BRD8: variants seen among roughly 807,000 people sequenced by gnomAD.
BRD8 encodes the protein bromodomain containing 8.
BRD8 carries 67 observed loss-of-function variants against 143.1 expected under a neutral mutation model. That is an observed-to-expected ratio of 0.47 (90% CI 0.38 to 0.57). The LOEUF (loss-of-function observed/expected upper bound fraction) is 0.57. Among genes scored for constraint, BRD8 ranks in the 20% least tolerant of loss-of-function variants. BRD8 has a pLI of 0.00. For synonymous variants in BRD8, 505 were observed against 517.1 expected (o/e 0.98, Z 0.32); for missense variants, 1,103 against 1,503.0 (o/e 0.73, Z 4.40).
At chr5:138,160,509 C>G (rs1464727501) in intron 18 of BRD8, among the ~76,000 whole-genome samples, 1 of 152,046 alleles carries the variant, frequency 6.6e-6, no homozygotes, top group Non-Finnish European at 1.5e-5. Flanking sequence ...CTTCCAAGTT[C>G]AACACCCCAA....
At chr5:138,176,852 G>C (rs1464436987) in intron 2 of BRD8, among the ~76,000 whole-genome samples, 1 of 151,192 alleles carries the variant, frequency 6.6e-6, no homozygotes, top group Non-Finnish European at 1.5e-5. Context: ...AATCCCAGTA[G>C]GTTGGGCGGA....
chr5:138,170,409 C>T lies in BRD8; in HGVS notation c.441G>A (p.Thr147=). 6.2e-7 allele frequency: 1 copy of T among 1,614,032 alleles called. No homozygotes were observed. The highest frequency in any genetic ancestry group is 8.5e-7 in the Non-Finnish European group (1 of 1,179,994). Reference sequence around the variant, plus strand: ...CCTCCTCTTCTTCCAATTTCTTTTTCCTAAACAGGGAATTAAGGGTTAGAT... The same window carrying T: ...CCTCCTCTTCTTCCAATTTCTTTTTTCTAAACAGGGAATTAAGGGTTAGAT... The part of the protein sequence containing the change: ...RLDELCNDIA[T]KKKLEEEEAE... Residue 147 remains threonine, a splice_region_variant and synonymous_variant, in exon 7 of 27, where the codon ACG becomes ACA. Coordinates refer to ENST00000254900, the MANE Select transcript of BRD8 (RefSeq NM_139199.2).
chr5:138,145,874 C>A lies in BRD8; in HGVS notation c.3283G>T (p.Asp1095Tyr). The stretch of plus-strand genomic sequence containing the variant: ...TGAACAGGGTCATCCTGGCTTAGAT[C>A]AGTCCTATGAGGATAAAACATGAAG... ...FSHATSSKLT[D>Y]LSQDDPVQDH... The change falls in exon 24 of 27, where the codon GAT becomes TAT. Residue 1095 changes from aspartate to tyrosine, a missense_variant. Coordinates refer to ENST00000254900, the MANE Select transcript of BRD8 (RefSeq NM_139199.2). 6.2e-7 allele frequency: 1 copy of A among 1,613,224 alleles called. No individual in the cohort carries two copies. Among genetic ancestry groups the A allele is most frequent in the South Asian group, 1.1e-5 (1 of 91,054 alleles).
chr5:138,145,033 G>A, intron 25 of BRD8, 144 bp downstream of exon 25: 1 of 783,232 alleles, frequency 1.3e-6, no homozygotes, highest in Non-Finnish European at 2.1e-6. Context: ...ATGATACTGA[G>A]CTCATCATAA....
At chr5:138,152,812 G>A (rs1752424147) in intron 20 of BRD8, 52 bp from the exon 21 acceptor site, 2 of 1,566,816 alleles carry the variant, frequency 1.3e-6, no homozygotes, top group Middle Eastern at 1.7e-4. Context: ...AAATATTCCT[G>A]AGGCATCTCC....
intron 12 of BRD8, 80 bp from the exon 13 acceptor site, chr5:138,164,493 G>A (rs1753241767): frequency 7.1e-7 from 1 of 1,400,122 alleles, no homozygotes; most frequent in African/African-American, 1.4e-5. Context: ...CAGTGATAAT[G>A]AGACCATAGA....
chr5:138,154,874 G>A (rs370706042), intron 20 of BRD8, among the ~76,000 whole-genome samples: 1 of 147,496 alleles, frequency 6.8e-6, no homozygotes, highest in Non-Finnish European at 1.5e-5. Flanking sequence ...TCTGTCGCCA[G>A]GTTGGAGTGC....
chr5:138,167,269 A>G (rs1032966341), intron 9 of BRD8, among the ~76,000 whole-genome samples: 1 of 151,856 alleles, frequency 6.6e-6, no homozygotes, highest in African/African-American at 2.4e-5. Context: ...CTCTGTCTCA[A>G]AAAAAACAAC....
At chr5:138,169,515 G>A (rs758545841) in intron 7 of BRD8, 157 bp from the exon 8 acceptor site, 3 of 776,750 alleles carry the variant, frequency 3.9e-6, no homozygotes, top group Non-Finnish European at 1.9e-6. Flanking sequence ...TTCTAGAGAT[G>A]GATAACTTTT....
chr5:138,146,941 G>C (rs1257740406), intron 23 of BRD8, among the ~76,000 whole-genome samples: 1 of 140,466 alleles, frequency 7.1e-6, no homozygotes, highest in African/African-American at 2.7e-5. Context: ...CTGCACTGCA[G>C]CCTGGGCGAC....
intron 15 of BRD8, among the ~76,000 whole-genome samples, chr5:138,162,896 G>A (rs970081493): frequency 6.6e-6 from 1 of 151,988 alleles, no homozygotes; most frequent in Admixed American, 6.5e-5. Flanking sequence ...AGCTACTAAG[G>A]AGGCTGAGGT....
chr5:138,164,053 C>G, intron 14 of BRD8, 34 bp downstream of exon 14: 4 of 1,601,224 alleles, frequency 2.5e-6, no homozygotes, highest in Non-Finnish European at 2.6e-6. Flanking sequence ...AATCTAATCA[C>G]ATGGCAAGAG....
intron 14 of BRD8, 90 bp from the exon 15 acceptor site, chr5:138,163,434 A>C (rs1313875638): frequency 6.7e-7 from 1 of 1,487,298 alleles, no homozygotes; most frequent in African/African-American, 1.4e-5. Context: ...GGTTAGAATT[A>C]GTTCTAGAAA....
In BRD8 at chr5:138,160,895, A is replaced by G; in HGVS notation, c.2423T>C (p.Ile808Thr). The G allele has an allele frequency of 6.3e-7, 1 of 1,595,418 alleles. No individual in the cohort carries two copies. Among genetic ancestry groups the G allele is most frequent in the Non-Finnish European group, 8.5e-7 (1 of 1,170,960 alleles). ...VEMQRDVLEQIQQFLATQLIM... is the reference protein window; with the variant it reads ...VEMQRDVLEQTQQFLATQLIM... ...CACAAAGGATCCTCAAAGTACCTGG[A>G]TCTGTTCCAAGACATCTCGCTGCAT... Residue 808 changes from isoleucine to threonine, a missense_variant, in exon 18 of 27, where the codon ATC (isoleucine) becomes ACC (threonine). Coordinates refer to ENST00000254900, the MANE Select transcript of BRD8 (RefSeq NM_139199.2).
rs774064858 is a variant in BRD8, at chr5:138,161,079, AG to A, written c.2250-12del. 6.2e-7 allele frequency: 1 copy of A among 1,604,502 alleles called. No individual in the cohort carries two copies. The highest frequency in any genetic ancestry group is 8.5e-7 in the Non-Finnish European group (1 of 1,174,516). On this transcript the variant is annotated splice_polypyrimidine_tract_variant and intron_variant, in intron 17 of 26. Transcript: ENST00000254900. Reference sequence around the variant, plus strand: ...GACAAATCCATAGGCCTAAAAAAAAAGAACAGGGGTAAGTAGCAGTGGGGAT... The same window carrying A: ...GACAAATCCATAGGCCTAAAAAAAAAAACAGGGGTAAGTAGCAGTGGGGAT...
At chr5:138,140,501 T>C in intron 26 of BRD8, 1 of 634,688 alleles carries the variant, frequency 1.6e-6, no homozygotes, top group Non-Finnish European at 2.8e-6. Flanking sequence ...CACTGCTGCC[T>C]GCATTCCTAG....
rs957218537 is a variant in BRD8 at position 138,166,025 on chromosome 5, A to G, written c.1081T>C (p.Ser361Pro). The G allele has an allele frequency of 6.2e-7, 1 of 1,614,184 alleles. No individual in the cohort carries two copies. Among genetic ancestry groups the G allele is most frequent in the Non-Finnish European group, 8.5e-7 (1 of 1,180,028 alleles). The change falls in exon 11 of 27, where the codon TCC becomes CCC. Residue 361 changes from serine (S) to proline (P), a missense_variant. By Grantham distance (74) the Ser-to-Pro change is moderately conservative. Around this residue, in one of 7 missense-constraint regions of BRD8, gnomAD observed 334 missense variants for 372.5 expected, o/e 0.90. Coordinates refer to ENST00000254900, the MANE Select transcript of BRD8 (RefSeq NM_139199.2). ...VTVSMDSSEISMIINSIKEEC... is the reference protein window; with the variant it reads ...VTVSMDSSEIPMIINSIKEEC... ...TCTTTGATAGAATTGATGATCATGG[A>G]TATTTCACTGCTGTCCATGGAAACA... is the stretch of plus-strand genomic sequence containing the variant.
chr5:138,175,222 G>A (rs781489784), intron 2 of BRD8, among the ~76,000 whole-genome samples: 2 of 152,002 alleles, frequency 1.3e-5, no homozygotes, highest in Non-Finnish European at 2.9e-5. Context: ...TGTTGCTATT[G>A]CTTTCTATAT....
Position 138,139,970 on chromosome 5 carries a change from G to T in BRD8, c.*104C>A. 2 of 886,076 alleles carry T rather than the reference G, an allele frequency of 2.3e-6. No homozygotes were observed. The highest frequency in any genetic ancestry group is 3.6e-6 in the Non-Finnish European group (2 of 552,314). The allele number at this position is 886,076 out of a possible 1,614,324, so 54.9% of individuals were successfully genotyped here. A position where few individuals can be genotyped will look rare whatever the true frequency, so the allele number is the denominator to read the frequency against. On this transcript the variant is annotated 3_prime_UTR_variant, in exon 27 of 27. Transcript: ENST00000254900. ...TGTGAGTTAAGGTATTATTCTTGTTGGAAAAGAAAATGAGGACATGGCAAA... is the reference window on the plus strand; with the variant it reads ...TGTGAGTTAAGGTATTATTCTTGTTTGAAAAGAAAATGAGGACATGGCAAA...
Sources: gnomAD v4.1 joint callset for allele counts (sites outside exome capture counted in the v4.1 genomes callset) on GRCh38, gnomAD v4.1.1 for gene constraint, gnomAD v4.1.1 regional missense constraint, MANE v1.5 for transcripts, NCBI Gene and HGNC (gene_info 2026-07-23, HGNC 2026-07-21) for gene names.